COL24A1: variants seen among roughly 807,000 people sequenced by gnomAD.
The protein encoded by COL24A1 is collagen alpha-1(XXIV) chain.
A neutral mutation model predicts 253.9 loss-of-function variants in COL24A1; 224 were observed. The ratio of observed to expected loss-of-function variants is 0.88; its 90% confidence interval spans 0.79 to 0.99. The LOEUF (loss-of-function observed/expected upper bound fraction) is 0.99. COL24A1 is among the 50% of genes least tolerant of loss of function. The probability of loss-of-function intolerance (pLI) is 0.00; values close to 1 mark genes in which losing one functional copy is unlikely to be tolerated. For missense variants in COL24A1, 2,131 were observed against 2,068.5 expected, an observed-to-expected ratio of 1.03 and a Z score of -0.59; for synonymous variants, 685 against 673.7, an observed-to-expected ratio of 1.02 and a Z score of -0.26.
intron 24 of COL24A1, among the ~76,000 whole-genome samples, chr1:85,927,962 T>TA (rs1358714782): frequency 9.2e-6 from 1 of 108,284 alleles, no homozygotes; most frequent in Non-Finnish European, 1.9e-5. Flanking sequence ...CAAAAGTAGA[T>TA]AAAACCACAA....
chr1:85,868,557 T>C lies in COL24A1; in HGVS notation c.3262A>G (p.Ile1088Val). 1 of 1,613,912 alleles carries C rather than the reference T, an allele frequency of 6.2e-7. No individual in the cohort carries two copies. The highest frequency in any genetic ancestry group is 1.1e-5 in the South Asian group (1 of 91,078). Reference protein sequence around the residue: ...EKGEMGLPGIIGPLGRSGQTG... With the variant: ...EKGEMGLPGIVGPLGRSGQTG... Reference sequence around the variant, plus strand: ...TGGCCTGATCTACCCAAGGGTCCTATAATTCCTGGTAAGCCCATCTCTCCT... The same window carrying C: ...TGGCCTGATCTACCCAAGGGTCCTACAATTCCTGGTAAGCCCATCTCTCCT... Residue 1088 changes from isoleucine to valine, a missense_variant, in exon 37 of 60, where the codon ATA becomes GTA. By Grantham distance (29) the Ile-to-Val change is conservative. Transcript: ENST00000370571.
At chr1:85,987,082 T>C (rs1438450070) in intron 20 of COL24A1, among the ~76,000 whole-genome samples, 1 of 151,856 alleles carries the variant, frequency 6.6e-6, no homozygotes. Flanking sequence ...ATTAAAAGCA[T>C]TGCCGAAATA....
chr1:86,027,369 C>G (rs1335563457), intron 14 of COL24A1, among the ~76,000 whole-genome samples: 6 of 152,022 alleles, frequency 3.9e-5, no homozygotes, highest in Non-Finnish European at 8.8e-5. Context: ...GCCCAGAGGC[C>G]TAGGAGAAAA....
At chr1:86,094,187 T>C (rs1429342219) in intron 5 of COL24A1, among the ~76,000 whole-genome samples, 1 of 152,034 alleles carries the variant, frequency 6.6e-6, no homozygotes, top group East Asian at 1.9e-4. Context: ...GACAAATGCA[T>C]GCATATGTTC....
chr1:86,107,513 AT>A (rs1571941156), intron 5 of COL24A1, among the ~76,000 whole-genome samples: 785 of 41,328 alleles, frequency 0.019, 14 homozygotes, highest in East Asian at 0.18. Flanking sequence ...ATGGTAATTT[AT>A]TTATTTATTT....
intron 12 of COL24A1, chr1:86,045,675 G>A (rs951055112): frequency 5.8e-5 from 14 of 240,252 alleles, no homozygotes; most frequent in African/African-American, 2.0e-4. Context: ...TAATAGCAAC[G>A]GTGATGGCAG....
chr1:86,041,627 C>T (rs1699494287), intron 12 of COL24A1, among the ~76,000 whole-genome samples: 1 of 152,046 alleles, frequency 6.6e-6, no homozygotes, highest in African/African-American at 2.4e-5. Context: ...TTATCAAATA[C>T]ATAACAAATC....
At chr1:85,877,887 G>C (rs1011383951) in intron 32 of COL24A1, among the ~76,000 whole-genome samples, 1 of 152,070 alleles carries the variant, frequency 6.6e-6, no homozygotes, top group African/African-American at 2.4e-5. Context: ...AAACAAATTT[G>C]CATCTTAAAG....
At chr1:85,950,450 C>G (rs758762654) in intron 24 of COL24A1, among the ~76,000 whole-genome samples, 11 of 151,928 alleles carry the variant, frequency 7.2e-5, no homozygotes, top group Non-Finnish European at 1.6e-4. Context: ...AGTGTGGTAC[C>G]AATTACAGAA....
rs113644005 is a variant in COL24A1, at chr1:85,771,265, C to T, written c.4374+4409G>A. Among the ~76,000 whole-genome samples, 424 of 152,090 alleles carry T rather than the reference C, an allele frequency of 2.8e-3. 2 individuals are homozygous for T. The highest frequency in any genetic ancestry group is 9.5e-3 in the African/African-American group (393 of 41,468). On this transcript the variant is annotated intron_variant, in intron 53 of 59. Coordinates refer to ENST00000370571, the MANE Select transcript of COL24A1 (RefSeq NM_152890.7). ...TATCCCTCACCTAGCCTCCGACCCC[C>T]GACAGGCCCCGGTGTGTGATGTTCC...
At chr1:85,942,267 G>C (rs1688823250) in intron 24 of COL24A1, among the ~76,000 whole-genome samples, 1 of 152,160 alleles carries the variant, frequency 6.6e-6, no homozygotes, top group Non-Finnish European at 1.5e-5. Flanking sequence ...ATATGCTGCA[G>C]AAAAACCTAG....
intron 7 of COL24A1, among the ~76,000 whole-genome samples, chr1:86,076,549 T>G (rs1177403580): frequency 6.6e-6 from 1 of 152,166 alleles, no homozygotes; most frequent in Non-Finnish European, 1.5e-5. Flanking sequence ...TACTTTAAAT[T>G]TCATATGGAA....
At chr1:86,016,145 G>A (rs1425640901) in intron 19 of COL24A1, among the ~76,000 whole-genome samples, 1 of 151,802 alleles carries the variant, frequency 6.6e-6, no homozygotes, top group African/African-American at 2.4e-5. Context: ...CAAAGTGCTG[G>A]GATTGCACCA....
Position 86,125,734 on chromosome 1 carries a change from CTAT to C in COL24A1, c.599_601del (p.Asn200del). On this transcript the variant is annotated inframe_deletion, in exon 3 of 60. Transcript: ENST00000370571. ...ATTCATACTTCCTAAAGTAAACACA[CTAT>C]TAGAATCAAAGGTCTGAACTTCTGG... The C allele has an allele frequency of 6.2e-7, 1 of 1,610,892 alleles. No homozygotes were observed. The highest frequency in any genetic ancestry group is 8.5e-7 in the Non-Finnish European group (1 of 1,178,578).
At chr1:85,842,000 G>T in intron 41 of COL24A1, 68 bp downstream of exon 41, 1 of 1,380,194 alleles carries the variant, frequency 7.2e-7, no homozygotes, top group Non-Finnish European at 1.0e-6. Flanking sequence ...TTTCCATGCA[G>T]TCTTTCAGGA....
intron 55 of COL24A1, among the ~76,000 whole-genome samples, chr1:85,756,115 A>C (rs114320639): frequency 0.01 from 1,547 of 150,826 alleles, 31 homozygotes; most frequent in African/African-American, 0.035. Flanking sequence ...AAATAACTTG[A>C]ATAGACATTT....
At chr1:86,046,445 C>T (rs1699910261) in intron 12 of COL24A1, among the ~76,000 whole-genome samples, 1 of 152,088 alleles carries the variant, frequency 6.6e-6, no homozygotes, top group African/African-American at 2.4e-5. Flanking sequence ...CTGAAGCACG[C>T]ATTTTAAAAA....
chr1:86,017,136 C>G lies in COL24A1; in HGVS notation c.2310+15G>C, dbSNP rs1553259613. 1 of 1,593,638 alleles carries G rather than the reference C, an allele frequency of 6.3e-7. No individual in the cohort carries two copies. Among genetic ancestry groups the G allele is most frequent in the South Asian group, 1.1e-5 (1 of 88,224 alleles). Reference sequence around the variant, plus strand: ...ATTTTGTTTCAAATTTATTAACTTTCCACCAATATTTTACCTCTGGTCCTG... The same window carrying G: ...ATTTTGTTTCAAATTTATTAACTTTGCACCAATATTTTACCTCTGGTCCTG... On this transcript the variant is annotated intron_variant, in intron 19 of 59. Transcript: ENST00000370571.
At chr1:86,036,482 T>C (rs1699036100) in intron 12 of COL24A1, among the ~76,000 whole-genome samples, 1 of 152,186 alleles carries the variant, frequency 6.6e-6, no homozygotes, top group South Asian at 2.1e-4. Flanking sequence ...ACAAAGGCAT[T>C]ATTTGGCTCC....
Sources: gnomAD v4.1 joint callset for allele counts (sites outside exome capture counted in the v4.1 genomes callset) on GRCh38, gnomAD v4.1.1 for gene constraint, MANE v1.5 for transcripts, NCBI Gene and HGNC (gene_info 2026-07-23, HGNC 2026-07-21) for gene names.